DLG2: variants seen among roughly 807,000 people sequenced by gnomAD.
DLG2 encodes the protein discs large MAGUK scaffold protein 2.
A neutral mutation model predicts 132.5 loss-of-function variants in DLG2; 45 were observed. The ratio of observed to expected loss-of-function variants is 0.34; its 90% CI spans 0.27 to 0.44. The LOEUF (loss-of-function observed/expected upper bound fraction) is 0.44. DLG2 is among the 20% of genes least tolerant of loss of function. The pLI, the probability that DLG2 is intolerant of heterozygous loss-of-function variation, is 1.00. For missense variants in DLG2, 1,045 were observed against 1,196.9 expected, an observed-to-expected ratio of 0.87 and a Z score of 1.87; for synonymous variants, 424 against 419.6, an observed-to-expected ratio of 1.01 and a Z score of -0.13.
At chr11:85,448,068 G>T (rs573931550) in intron 3 of DLG2, among the ~76,000 whole-genome samples, 133 of 152,190 alleles carry the variant, frequency 8.7e-4, no homozygotes, top group African/African-American at 3.1e-3. Flanking sequence ...AGCCTCGATT[G>T]CTAATATGAA....
intron 7 of DLG2, among the ~76,000 whole-genome samples, chr11:84,308,141 A>T (rs2098247044): frequency 6.6e-6 from 1 of 152,100 alleles, no homozygotes; most frequent in African/African-American, 2.4e-5. Flanking sequence ...GGCCCCACCC[A>T]CATCCTGCTG....
chr11:83,598,040 C>G (rs2057915657), intron 19 of DLG2, among the ~76,000 whole-genome samples: 1 of 152,114 alleles, frequency 6.6e-6, no homozygotes, highest in Admixed American at 6.5e-5. Context: ...TCTGATGCTC[C>G]CTATTTTAGT....
At chr11:85,313,861 A>T (rs1240496659) in intron 3 of DLG2, among the ~76,000 whole-genome samples, 1 of 151,952 alleles carries the variant, frequency 6.6e-6, no homozygotes, top group African/African-American at 2.4e-5. Flanking sequence ...TATGACCTCA[A>T]TTGCAAAACT....
chr11:83,753,244 G>C (rs965039679), intron 18 of DLG2, among the ~76,000 whole-genome samples: 1 of 151,954 alleles, frequency 6.6e-6, no homozygotes, highest in Non-Finnish European at 1.5e-5. Context: ...CCAACATGGA[G>C]AAACTCCACC....
chr11:84,164,904 C>T (rs2095627291), intron 8 of DLG2, among the ~76,000 whole-genome samples: 1 of 152,124 alleles, frequency 6.6e-6, no homozygotes, highest in African/African-American at 2.4e-5. Context: ...TAGGCTTCAG[C>T]AACTTAATGA....
At chr11:83,699,546 A>G (rs2082504170) in intron 18 of DLG2, among the ~76,000 whole-genome samples, 1 of 127,082 alleles carries the variant, frequency 7.9e-6, no homozygotes, top group Admixed American at 7.8e-5. Context: ...AATACAAAAG[A>G]AAAAAAAAAA....
rs142913748 is a variant in DLG2 at position 84,223,824 on chromosome 11, G to C, written c.573+27414C>G. Among the ~76,000 whole-genome samples the C allele has an allele frequency of 6.3e-3, 965 of 152,246 alleles. 6 individuals are homozygous for C. The highest frequency in any genetic ancestry group is 0.011 in the Non-Finnish European group (718 of 68,006). On this transcript the variant is annotated intron_variant, in intron 8 of 27. Coordinates refer to ENST00000376104, the MANE Select transcript of DLG2 (RefSeq NM_001142699.3). ...TGGCCCCTCAGCCTCCCAAAGTTCTGGGATTACAGGCAGGAGCCAGTGCAT... is the reference window on the plus strand; with the variant it reads ...TGGCCCCTCAGCCTCCCAAAGTTCTCGGATTACAGGCAGGAGCCAGTGCAT...
intron 5 of DLG2, among the ~76,000 whole-genome samples, chr11:85,113,107 A>G (rs1489610555): frequency 6.6e-6 from 1 of 151,998 alleles, no homozygotes; most frequent in Non-Finnish European, 1.5e-5. Context: ...ATCAATCTCC[A>G]TGATCAATTT....
chr11:84,731,438 G>T (rs2063140084), intron 6 of DLG2, among the ~76,000 whole-genome samples: 1 of 151,922 alleles, frequency 6.6e-6, no homozygotes, highest in African/African-American at 2.4e-5. Context: ...ATATATAGGG[G>T]AATCTCATCT....
chr11:85,489,220 G>T (rs746188365), intron 3 of DLG2, among the ~76,000 whole-genome samples: 1 of 151,900 alleles, frequency 6.6e-6, no homozygotes, highest in Non-Finnish European at 1.5e-5. Flanking sequence ...AAGTAAAGAG[G>T]TAGAAAAGAA....
intron 6 of DLG2, among the ~76,000 whole-genome samples, chr11:84,669,217 G>T (rs2099703128): frequency 6.6e-6 from 1 of 152,060 alleles, no homozygotes; most frequent in African/African-American, 2.4e-5. Flanking sequence ...GGAAACAAGG[G>T]TAAAGATCCT....
At chr11:84,308,974 A>G (rs2098260358) in intron 7 of DLG2, among the ~76,000 whole-genome samples, 1 of 152,300 alleles carries the variant, frequency 6.6e-6, no homozygotes, top group Admixed American at 6.5e-5. Flanking sequence ...CAGCCCAGAA[A>G]GCGGCTCCCA....
intron 19 of DLG2, among the ~76,000 whole-genome samples, chr11:83,584,284 C>T (rs774582365): frequency 6.6e-6 from 1 of 152,148 alleles, no homozygotes; most frequent in Non-Finnish European, 1.5e-5. Flanking sequence ...TTAAAACATT[C>T]GTCTTGTCAA....
At chr11:84,963,878 A>G (rs1347823845) in intron 6 of DLG2, among the ~76,000 whole-genome samples, 1 of 152,200 alleles carries the variant, frequency 6.6e-6, no homozygotes, top group Admixed American at 6.5e-5. Context: ...TTGACTTTAC[A>G]CAGGGGAAAC....
chr11:83,987,150 G>T (rs2093382053), intron 11 of DLG2, among the ~76,000 whole-genome samples: 1 of 152,052 alleles, frequency 6.6e-6, no homozygotes, highest in Non-Finnish European at 1.5e-5. Flanking sequence ...GGACACGAAG[G>T]ACCTCTTCAA....
intron 7 of DLG2, among the ~76,000 whole-genome samples, chr11:84,534,007 C>T (rs557228008): frequency 2.6e-4 from 38 of 147,866 alleles, no homozygotes; most frequent in African/African-American, 9.0e-4. Flanking sequence ...TTCTTCTTGT[C>T]GAAATATAAT....
chr11:84,999,198 G>A (rs1446509081), intron 6 of DLG2, among the ~76,000 whole-genome samples: 2 of 152,000 alleles, frequency 1.3e-5, no homozygotes, highest in African/African-American at 4.8e-5. Context: ...TCTGTTAGGG[G>A]CCACCTATGT....
intron 4 of DLG2, among the ~76,000 whole-genome samples, chr11:85,261,121 G>T (rs1595775906): frequency 6.6e-6 from 1 of 152,240 alleles, no homozygotes; most frequent in African/African-American, 2.4e-5. Flanking sequence ...AAAGTATGTT[G>T]CAAGGAAATA....
chr11:84,546,065 T>C (rs544160882), intron 6 of DLG2, among the ~76,000 whole-genome samples: 100 of 152,254 alleles, frequency 6.6e-4, no homozygotes, highest in African/African-American at 2.3e-3. Flanking sequence ...TCTTAGGTGA[T>C]GTTCTTCAGT....
Sources: allele counts gnomAD v4.1 joint callset (sites outside exome capture counted in the v4.1 genomes callset), GRCh38; gene constraint gnomAD v4.1.1; transcripts MANE v1.5; gene names NCBI Gene and HGNC (gene_info 2026-07-23, HGNC 2026-07-21).